The following RIPOR2 variants were observed in gnomAD, a reference collection of about 807,000 sequenced individuals.
RIPOR2 encodes RHO family interacting cell polarization regulator 2.
Under a neutral mutation model 114.5 loss-of-function variants are expected in RIPOR2, and 39 were observed. The observed-to-expected ratio is 0.34, with a 90% CI of 0.26 to 0.44. The LOEUF (loss-of-function observed/expected upper bound fraction) is 0.44, where lower values mean the gene tolerates loss of function less well. RIPOR2 is among the 20% of genes least tolerant of loss of function. RIPOR2 has a pLI of 1.00. For missense variants in RIPOR2, 1,007 were observed against 1,255.1 expected (o/e 0.80, Z 2.99); for synonymous variants, 445 against 484.4 (o/e 0.92, Z 1.07).
intron 1 of RIPOR2, among the ~76,000 whole-genome samples, chr6:24,965,651 C>T (rs1348076603): frequency 6.6e-6 from 1 of 152,134 alleles, no homozygotes; most frequent in African/African-American, 2.4e-5. Context: ...TTCCCGACTA[C>T]ACATAGTTTC....
intron 1 of RIPOR2, chr6:25,015,933 T>C (rs1775969681): frequency 7.3e-6 from 1 of 136,966 alleles, no homozygotes; most frequent in African/African-American, 2.6e-5. Flanking sequence ...TTAAGGAGTC[T>C]TACTCTGTCA....
intron 1 of RIPOR2, among the ~76,000 whole-genome samples, chr6:24,972,211 T>C (rs1473096064): frequency 6.6e-6 from 1 of 152,212 alleles, no homozygotes; most frequent in African/African-American, 2.4e-5. Flanking sequence ...GAAATATAGA[T>C]ATGGAATTTG....
chr6:24,991,569 C>T (rs536630502), intron 1 of RIPOR2, among the ~76,000 whole-genome samples: 3 of 152,286 alleles, frequency 2.0e-5, no homozygotes, highest in East Asian at 1.9e-4. Context: ...AGTGGCTGAA[C>T]GCCATCCATG....
chr6:24,944,673 C>G (rs890905987), intron 1 of RIPOR2, among the ~76,000 whole-genome samples: 80 of 152,222 alleles, frequency 5.3e-4, no homozygotes, highest in African/African-American at 1.9e-3. Flanking sequence ...ATTTGATGAA[C>G]AAGATTAATC....
chr6:24,935,163 C>A (rs216256), intron 1 of RIPOR2, among the ~76,000 whole-genome samples: 44,100 of 151,504 alleles, frequency 0.29, 6,445 homozygotes, highest in East Asian at 0.35. Context: ...CAAAAATTAG[C>A]TGGGCATGGT....
intron 16 of RIPOR2, among the ~76,000 whole-genome samples, chr6:24,831,708 CAG>C (rs1341907018): frequency 6.6e-5 from 10 of 152,176 alleles, no homozygotes; most frequent in Admixed American, 1.3e-4. Context: ...GATATGAAAA[CAG>C]ACATAAATTT....
At chr6:24,971,361 A>G (rs1371889002) in intron 1 of RIPOR2, among the ~76,000 whole-genome samples, 3 of 152,368 alleles carry the variant, frequency 2.0e-5, no homozygotes, top group African/African-American at 7.2e-5. Context: ...TCCCATAGAC[A>G]TGGAGACACA....
intron 14 of RIPOR2, among the ~76,000 whole-genome samples, chr6:24,838,560 G>A (rs1156617909): frequency 6.6e-6 from 1 of 152,174 alleles, no homozygotes; most frequent in Non-Finnish European, 1.5e-5. Context: ...GGGAGGCTGA[G>A]GCGGGTGGAT....
chr6:24,852,471 A>G (rs1763055447), intron 9 of RIPOR2, 104 bp downstream of exon 9: 5 of 929,258 alleles, frequency 5.4e-6, no homozygotes, highest in Non-Finnish European at 8.5e-6. Flanking sequence ...AAAATTAAAA[A>G]TTAAAAAAAA....
rs189516951 is a variant in RIPOR2, at chr6:24,884,348, G to A, written c.62-8531C>T. ...GGCGTGAATCCGGGAGGTGGGGGTT[G>A]CAGTGAGCCGAGATCGTGCCACTGC... On this transcript the variant is annotated intron_variant, in intron 1 of 21. Coordinates refer to ENST00000643898, the MANE Select transcript of RIPOR2 (RefSeq NM_001286445.3). Among the ~76,000 whole-genome samples the A allele has an allele frequency of 2.1e-3, 324 of 152,300 alleles. 2 individuals are homozygous for A. Among genetic ancestry groups the A allele is most frequent in the African/African-American group, 7.5e-3 (311 of 41,560 alleles).
chr6:24,926,035 A>G (rs1220580653), intron 1 of RIPOR2, among the ~76,000 whole-genome samples: 1 of 124,794 alleles, frequency 8.0e-6, no homozygotes, highest in Admixed American at 7.5e-5. Context: ...TAAAACAAAA[A>G]CAAAACACCA....
At chr6:24,839,979 T>G in intron 13 of RIPOR2, 1 of 982,858 alleles carries the variant, frequency 1.0e-6, no homozygotes, top group Non-Finnish European at 1.2e-6. Context: ...AGACAAGGTC[T>G]TGCTCTGTCA....
intron 1 of RIPOR2, among the ~76,000 whole-genome samples, chr6:24,959,380 T>C (rs1373737041): frequency 6.6e-6 from 1 of 152,234 alleles, no homozygotes; most frequent in African/African-American, 2.4e-5. Flanking sequence ...AAATCTGTGA[T>C]GTCCATGACA....
At chr6:24,897,955 C>T (rs532029517) in intron 1 of RIPOR2, among the ~76,000 whole-genome samples, 6 of 151,318 alleles carry the variant, frequency 4.0e-5, no homozygotes, top group East Asian at 4.0e-4. Flanking sequence ...ACCCGGGAGG[C>T]GGAGGTTGCA....
chr6:24,962,714 G>C (rs1227499939), intron 1 of RIPOR2, among the ~76,000 whole-genome samples: 1 of 152,066 alleles, frequency 6.6e-6, no homozygotes, highest in Admixed American at 6.5e-5. Context: ...ACAGCAAAAA[G>C]GAGATTGTAC....
At chr6:25,024,310 T>C (rs1177382812) in intron 1 of RIPOR2, 13 of 1,517,196 alleles carry the variant, frequency 8.6e-6, no homozygotes, top group Non-Finnish European at 1.2e-5. Flanking sequence ...ATGAACACCT[T>C]TTTGGCCCCA....
intron 1 of RIPOR2, among the ~76,000 whole-genome samples, chr6:25,010,744 C>T (rs1010630138): frequency 2.6e-5 from 4 of 152,110 alleles, no homozygotes; most frequent in African/African-American, 9.7e-5. Context: ...ACTCCGTAAA[C>T]GTTTCTTAAG....
At chr6:24,929,416 A>T (rs1209260454) in intron 1 of RIPOR2, 1 of 152,262 alleles carries the variant, frequency 6.6e-6, no homozygotes, top group Non-Finnish European at 1.5e-5. Context: ...TCAGGGTCCC[A>T]GAAACTAGCA....
intron 1 of RIPOR2, among the ~76,000 whole-genome samples, chr6:25,004,103 A>T (rs4712877): frequency 6.6e-6 from 1 of 152,298 alleles, no homozygotes; most frequent in Admixed American, 6.5e-5. Context: ...TGGTTGTGAC[A>T]TGTTCATTGT....
Sources: gnomAD v4.1 joint callset for allele counts (sites outside exome capture counted in the v4.1 genomes callset) on GRCh38, gnomAD v4.1.1 for gene constraint, MANE v1.5 for transcripts, NCBI Gene and HGNC (gene_info 2026-07-23, HGNC 2026-07-21) for gene names.